The following GABRP variants were observed in gnomAD, a reference collection of about 807,000 sequenced individuals.
GABRP encodes gamma-aminobutyric acid receptor subunit pi.
In GABRP, 52 loss-of-function variants were observed where a neutral mutation model predicts 47.8. The ratio of observed to expected loss-of-function variants is 1.09; its 90% CI spans 0.87 to 1.37. The LOEUF (loss-of-function observed/expected upper bound fraction) is 1.37, where lower values mean the gene tolerates loss of function less well. Among genes scored for constraint, GABRP ranks in the 40% most tolerant of loss-of-function variants. GABRP has a pLI of 0.00. For synonymous variants in GABRP, 221 were observed against 205.8 expected, an observed-to-expected ratio of 1.07 and a Z score of -0.63; for missense variants, 525 against 542.8, an observed-to-expected ratio of 0.97 and a Z score of 0.33.
intron 3 of GABRP, among the ~76,000 whole-genome samples, chr5:170,790,441 C>G (rs1224538402): frequency 6.6e-6 from 1 of 152,172 alleles, no homozygotes; most frequent in African/African-American, 2.4e-5. Flanking sequence ...TGCTCCTCCC[C>G]TCAGATAATA....
intron 6 of GABRP, among the ~76,000 whole-genome samples, chr5:170,798,827 A>G (rs2127258459): frequency 6.6e-6 from 1 of 152,066 alleles, no homozygotes; most frequent in African/African-American, 2.4e-5. Context: ...TTTAAGTTCT[A>G]GGGTACATGT....
chr5:170,807,952 C>T (rs1166335882), intron 7 of GABRP, among the ~76,000 whole-genome samples: 1 of 152,160 alleles, frequency 6.6e-6, no homozygotes, highest in Non-Finnish European at 1.5e-5. Flanking sequence ...CTGCTCACCT[C>T]CCCATAATAG....
chr5:170,796,046 C>T (rs890094930), intron 5 of GABRP, among the ~76,000 whole-genome samples: 1 of 152,140 alleles, frequency 6.6e-6, no homozygotes, highest in Non-Finnish European at 1.5e-5. Context: ...TTAATGGAGC[C>T]GGGTTGGATG....
At chr5:170,782,952 A>T (rs1427879044), upstream of GABRP, 2 of 152,354 alleles carry the variant, frequency 1.3e-5, no homozygotes, top group East Asian at 3.9e-4. Flanking sequence ...TGATGAGGGG[A>T]TGACCCAGAG....
intron 6 of GABRP, among the ~76,000 whole-genome samples, chr5:170,803,276 C>T (rs1765642385): frequency 6.6e-6 from 1 of 152,076 alleles, no homozygotes; most frequent in Non-Finnish European, 1.5e-5. Flanking sequence ...AATGTTAGTT[C>T]CAACACCGGC....
intron 7 of GABRP, among the ~76,000 whole-genome samples, chr5:170,808,059 G>A (rs753319412): frequency 6.6e-6 from 1 of 152,142 alleles, no homozygotes; most frequent in African/African-American, 2.4e-5. Context: ...GTTACTGATA[G>A]CTCTCTAACA....
In GABRP at chr5:170,789,160, G is replaced by A. The variant is rs200140579; in HGVS notation, c.85G>A (p.Glu29Lys). The A allele has an allele frequency of 3.1e-6, 5 of 1,613,982 alleles. No individual in the cohort carries two copies. The highest frequency in any genetic ancestry group is 2.2e-5 in the East Asian group (1 of 44,890). ...CATCCAGGGGAGTCAGTTCAACGTC[G>A]AGGTCGGCAGAAGTGACAAGCTTTC... ...MCIQGSQFNV[E>K]VGRSDKLSLP... The change falls in exon 3 of 10, where the codon GAG (glutamate) becomes AAG (lysine). Residue 29 changes from glutamate (E) to lysine (K), a missense_variant. By Grantham distance (56) the Glu-to-Lys change is moderately conservative. Transcript: ENST00000265294.
intron 3 of GABRP, among the ~76,000 whole-genome samples, chr5:170,793,095 T>A (rs939777771): frequency 6.6e-6 from 1 of 152,170 alleles, no homozygotes; most frequent in Non-Finnish European, 1.5e-5. Context: ...ACCTTCAGGA[T>A]GTCCGGCTAG....
intron 6 of GABRP, among the ~76,000 whole-genome samples, chr5:170,802,132 G>T (rs1459633979): frequency 2.0e-5 from 3 of 152,204 alleles, no homozygotes; most frequent in African/African-American, 7.2e-5. Context: ...CTGGGGATTT[G>T]CCTGTGATGA....
At chr5:170,809,781 T>C (rs758295354) in intron 9 of GABRP, 26 bp downstream of exon 9, 2 of 1,566,720 alleles carry the variant, frequency 1.3e-6, no homozygotes, top group Non-Finnish European at 1.7e-6. Flanking sequence ...GCCCTGTGTA[T>C]GATCCATCAC....
In GABRP at chr5:170,789,257, C is replaced by A; in HGVS notation, c.172+10C>A. On this transcript the variant is annotated intron_variant, in intron 3 of 9. Coordinates refer to ENST00000265294, the MANE Select transcript of GABRP (RefSeq NM_014211.3). ...AGGCCCAATTTTGGTGGTAGGTCAT[C>A]CTCTGTGTCCAGGACATCATTCAAA... The A allele has an allele frequency of 6.5e-7, 1 of 1,548,218 alleles. No homozygotes were observed. The highest frequency in any genetic ancestry group is 8.9e-7 in the Non-Finnish European group (1 of 1,120,534).
Position 170,812,390 on chromosome 5 carries a change from T to C in GABRP, c.*132T>C. ...GACTGAAATAATATTTGAGTCTTTC[T>C]GCTCAAAGAATGAAGCTCCAACCAT... On this transcript the variant is annotated 3_prime_UTR_variant, in exon 10 of 10. Transcript: ENST00000265294. The C allele has an allele frequency of 1.4e-6, 1 of 708,580 alleles. No homozygotes were observed. 43.9% of individuals were successfully genotyped at this position (708,580 alleles called of 1,614,324 possible).
intron 6 of GABRP, among the ~76,000 whole-genome samples, chr5:170,805,028 A>G (rs1765693631): frequency 6.8e-6 from 1 of 147,430 alleles, no homozygotes; most frequent in Non-Finnish European, 1.5e-5. Context: ...TATAATATTT[A>G]TATATTATAT....
At chr5:170,788,238 A>C (rs1765173888) in intron 1 of GABRP, 1 of 172,386 alleles carries the variant, frequency 5.8e-6, no homozygotes, top group Non-Finnish European at 1.2e-5. Context: ...AGTCCCAGCT[A>C]CTCAGGAGGC....
At chr5:170,811,862 C>A in intron 9 of GABRP, 94 bp from the exon 10 acceptor site, 1 of 1,135,804 alleles carries the variant, frequency 8.8e-7, no homozygotes, top group Non-Finnish European at 1.3e-6. Context: ...AATTATTCAA[C>A]ACTTAGGCCT....
At chr5:170,810,287 A>T (rs991238420) in intron 9 of GABRP, among the ~76,000 whole-genome samples, 18 of 152,218 alleles carry the variant, frequency 1.2e-4, no homozygotes, top group Admixed American at 3.9e-4. Flanking sequence ...CTAAATAATA[A>T]TAATAGTCAT....
At chr5:170,800,588 A>G (rs1285846750) in intron 6 of GABRP, among the ~76,000 whole-genome samples, 5 of 152,184 alleles carry the variant, frequency 3.3e-5, no homozygotes, top group African/African-American at 1.2e-4. Flanking sequence ...TATGGCCTCA[A>G]TCTGCTGTTG....
At chr5:170,789,537 T>TG (rs1435215867) in intron 3 of GABRP, among the ~76,000 whole-genome samples, 3 of 152,112 alleles carry the variant, frequency 2.0e-5, no homozygotes, top group Non-Finnish European at 4.4e-5. Flanking sequence ...CCAGGGTCAT[T>TG]ATTCAATGAA....
At chr5:170,801,583 T>C (rs1317564441) in intron 6 of GABRP, among the ~76,000 whole-genome samples, 1 of 152,198 alleles carries the variant, frequency 6.6e-6, no homozygotes, top group African/African-American at 2.4e-5. Flanking sequence ...AAAGTCTTTT[T>C]TCTCATTCTA....
Sources: allele counts gnomAD v4.1 joint callset (sites outside exome capture counted in the v4.1 genomes callset), GRCh38; gene constraint gnomAD v4.1.1; transcripts MANE v1.5; gene names NCBI Gene and HGNC (gene_info 2026-07-23, HGNC 2026-07-21).